The following MDM2 variants were observed in gnomAD, a reference collection of about 807,000 sequenced individuals.
The protein encoded by MDM2 is MDM2 proto-oncogene.
MDM2 carries 11 observed loss-of-function variants against 64.3 expected under a neutral mutation model. The ratio of observed to expected loss-of-function variants is 0.17; its 90% CI spans 0.11 to 0.28. The LOEUF (loss-of-function observed/expected upper bound fraction) is 0.28. Ranked by LOEUF, MDM2 falls within the 10% of genes least tolerant of loss-of-function variation. MDM2 has a pLI of 1.00. For synonymous variants in MDM2, 194 were observed against 192.9 expected, an observed-to-expected ratio of 1.01 and a Z score of -0.05; for missense variants, 388 against 577.1, an observed-to-expected ratio of 0.67 and a Z score of 3.36.
At chr12:68,838,326 T>A (rs1386937736) in intron 10 of MDM2, among the ~76,000 whole-genome samples, 1 of 152,096 alleles carries the variant, frequency 6.6e-6, no homozygotes, top group Non-Finnish European at 1.5e-5. Flanking sequence ...AGGCTGGGGA[T>A]GTGGGAGAGT....
chr12:68,828,792 C>G lies in MDM2; in HGVS notation c.545C>G (p.Ser182Cys). The G allele has an allele frequency of 1.2e-6, 2 of 1,613,880 alleles. No homozygotes were observed. The highest frequency in any genetic ancestry group is 1.7e-6 in the Non-Finnish European group (2 of 1,179,944). The stretch of plus-strand genomic sequence containing the variant: ...CCAGAAGAAAATTCAGATGAATTAT[C>G]TGGTGAACGACAAAGAAAACGCCAC... ...SETEENSDEL[S>C]GERQRKRHKS... is the part of the protein sequence containing the mutation. The change falls in exon 8 of 11, where the codon TCT (serine) becomes TGT (cysteine). Residue 182 changes from serine (S) to cysteine (C), a missense_variant. By Grantham distance (112) the Ser-to-Cys change is moderately radical. Transcript: ENST00000258149.
rs79248428 is a variant in MDM2, at chr12:68,815,792, A to G, written c.175-1020A>G. Reference sequence around the variant, plus strand: ...GATAATAATCTTATGAAATATCAGAATGAGATAATACTTATAAAAGTACAT... The same window carrying G: ...GATAATAATCTTATGAAATATCAGAGTGAGATAATACTTATAAAAGTACAT... On this transcript the variant is annotated intron_variant, in intron 3 of 10. Transcript: ENST00000258149. The G allele has an allele frequency of 6.0e-3, 1,246 of 207,286 alleles. 25 individuals are homozygous for G. The highest frequency in any genetic ancestry group is 0.028 in the African/African-American group (1,188 of 42,148). 12.8% of individuals were successfully genotyped at this position (207,286 alleles called of 1,614,324 possible). A position where few individuals can be genotyped will look rare whatever the true frequency, so the allele number is the denominator to read the frequency against.
Position 68,843,543 on chromosome 12 carries a change from CAG to C in MDM2, c.*3695_*3696del, listed in dbSNP as rs1252985076. ...ATTTAAATATGAATCTTAAGCAAAACAGTGAAAATAACCATCTTGATTTAGTG... is the reference window on the plus strand; with the variant it reads ...ATTTAAATATGAATCTTAAGCAAAACTGAAAATAACCATCTTGATTTAGTG... On this transcript the variant is annotated 3_prime_UTR_variant, in exon 11 of 11. Transcript: ENST00000258149. 8.8e-6 allele frequency: 2 copies of C among 226,480 alleles called. No individual in the cohort carries two copies. The highest frequency in any genetic ancestry group is 1.8e-5 in the Non-Finnish European group (2 of 114,186). The allele number at this position is 226,480 out of a possible 1,614,324, so 14.0% of individuals were successfully genotyped here.
intron 2 of MDM2, among the ~76,000 whole-genome samples, chr12:68,811,704 A>G (rs1272747489): frequency 6.7e-6 from 1 of 149,042 alleles, no homozygotes; most frequent in Admixed American, 6.8e-5. Context: ...TCCTGGGTTC[A>G]AGCAATTCTG....
chr12:68,813,478 A>C (rs541647114), intron 2 of MDM2, 76 bp from the exon 3 acceptor site: 2 of 947,412 alleles, frequency 2.1e-6, no homozygotes. Context: ...ATTGAACTTG[A>C]TGGATATGTT....
intron 7 of MDM2, 84 bp from the exon 8 acceptor site, chr12:68,828,687 A>G (rs1882542378): frequency 1.7e-6 from 2 of 1,208,350 alleles, no homozygotes; most frequent in South Asian, 2.9e-5. Context: ...ATTGAAACTA[A>G]GTTTCTGTAC....
intron 3 of MDM2, chr12:68,815,616 A>AT (rs1228320900): frequency 4.9e-6 from 2 of 410,162 alleles, no homozygotes; most frequent in Non-Finnish European, 9.7e-6. Flanking sequence ...TAATTTTTGT[A>AT]TTTTTTTGTA....
At position 68,841,985 on chromosome 12, in the gene MDM2, A is replaced by C. The variant is rs1883806053; in HGVS notation, c.*2136A>C. 1.0e-5 allele frequency: 4 copies of C among 389,334 alleles called. No homozygotes were observed. The highest frequency in any genetic ancestry group is 2.0e-5 in the Non-Finnish European group (4 of 202,652). 24.1% of individuals were successfully genotyped at this position (389,334 alleles called of 1,614,324 possible). A position where few individuals can be genotyped will look rare whatever the true frequency, so the allele number is the denominator to read the frequency against. Reference sequence around the variant, plus strand: ...TGACCACATCATGATGTTCATCTGCAGCTGTTGCAAGGTGTTCAGATTGTA... The same window carrying C: ...TGACCACATCATGATGTTCATCTGCCGCTGTTGCAAGGTGTTCAGATTGTA... On this transcript the variant is annotated 3_prime_UTR_variant, in exon 11 of 11. Coordinates refer to ENST00000258149, the MANE Select transcript of MDM2 (RefSeq NM_002392.6).
intron 10 of MDM2, 59 bp from the exon 11 acceptor site, chr12:68,839,215 C>T: frequency 6.6e-7 from 1 of 1,506,500 alleles, no homozygotes; most frequent in Non-Finnish European, 9.0e-7. Context: ...TGCTAGCATT[C>T]CTGTGACTGA....
At chr12:68,813,906 T>A (rs1486780668) in intron 3 of MDM2, among the ~76,000 whole-genome samples, 1 of 152,212 alleles carries the variant, frequency 6.6e-6, no homozygotes, top group East Asian at 1.9e-4. Flanking sequence ...CAGAATCATG[T>A]TTTTAAATGT....
chr12:68,809,222 C>A lies in MDM2; in HGVS notation c.29C>A (p.Thr10Asn). ...TTTCCTTGTAGGCAAATGTGCAATA[C>A]CAACATGTCTGTACCTACTGATGGT... MVRSRQMCN[T>N]NMSVPTDGAV... The change falls in exon 2 of 11, where the codon ACC (threonine) becomes AAC (asparagine). Residue 10 changes from threonine (T) to asparagine (N), a missense_variant. By Grantham distance (65) the Thr-to-Asn change is moderately conservative. Around this residue, in one of 5 missense-constraint regions of MDM2, gnomAD observed 46 missense variants for 45.2 expected, o/e 1.02. Transcript: ENST00000258149. 1 of 1,613,602 alleles carries A rather than the reference C, an allele frequency of 6.2e-7. No homozygotes were observed. Among genetic ancestry groups the A allele is most frequent in the Non-Finnish European group, 8.5e-7 (1 of 1,179,766 alleles).
intron 5 of MDM2, among the ~76,000 whole-genome samples, chr12:68,823,130 A>G (rs565746946): frequency 6.6e-6 from 1 of 152,226 alleles, no homozygotes; most frequent in Admixed American, 6.5e-5. Flanking sequence ...ATTATGTACA[A>G]CTTAAGAAAA....
At chr12:68,834,062 T>G (rs868577610) in intron 8 of MDM2, among the ~76,000 whole-genome samples, 1 of 152,324 alleles carries the variant, frequency 6.6e-6, no homozygotes, top group Middle Eastern at 3.4e-3. Context: ...ATAATATACT[T>G]TGTTTCTGTT....
At position 68,840,287 on chromosome 12, in the gene MDM2, G is replaced by A; in HGVS notation, c.*438G>A. 1 of 178,120 alleles carries A rather than the reference G, an allele frequency of 5.6e-6. No individual in the cohort carries two copies. Among genetic ancestry groups the A allele is most frequent in the Non-Finnish European group, 1.2e-5 (1 of 83,996 alleles). The allele number at this position is 178,120 out of a possible 1,614,324, so 11.0% of individuals were successfully genotyped here. On this transcript the variant is annotated 3_prime_UTR_variant, in exon 11 of 11. Transcript: ENST00000258149. ...AGCCTCCCAATTAGCTTGGCCTACA[G>A]TCATCTGCCACCACACCTGGCTAAT... is the stretch of plus-strand genomic sequence containing the variant.
intron 4 of MDM2, among the ~76,000 whole-genome samples, 173 bp from the exon 5 acceptor site, chr12:68,820,152 C>A (rs1483345310): frequency 6.6e-6 from 1 of 152,166 alleles, no homozygotes; most frequent in Non-Finnish European, 1.5e-5. Context: ...CATTGTGCTA[C>A]TAATTATTGT....
At chr12:68,816,757 T>G in intron 3 of MDM2, 55 bp from the exon 4 acceptor site, 1 of 1,417,668 alleles carries the variant, frequency 7.1e-7, no homozygotes, top group Admixed American at 2.2e-5. Flanking sequence ...ATTAAATGTA[T>G]TTACAACTAA....
chr12:68,813,306 T>C (rs1330415463), intron 2 of MDM2, among the ~76,000 whole-genome samples: 1 of 152,184 alleles, frequency 6.6e-6, no homozygotes, highest in Non-Finnish European at 1.5e-5. Flanking sequence ...TAATTTATGG[T>C]TGTTTGTAAG....
At chr12:68,830,315 C>CT (rs755581488) in intron 8 of MDM2, among the ~76,000 whole-genome samples, 15 of 152,134 alleles carry the variant, frequency 9.9e-5, no homozygotes, top group Non-Finnish European at 1.8e-4. Context: ...CCTGTATTAT[C>CT]TTTTTTTCTC....
rs1448572608 is a variant in MDM2 at position 68,843,118 on chromosome 12, A to G, written c.*3269A>G. 1.8e-5 allele frequency: 4 copies of G among 223,116 alleles called. No homozygotes were observed. Among genetic ancestry groups the G allele is most frequent in the Admixed American group, 1.1e-4 (2 of 17,394 alleles). The allele number at this position is 223,116 out of a possible 1,614,324, so 13.8% of individuals were successfully genotyped here. A position where few individuals can be genotyped will look rare whatever the true frequency, so the allele number is the denominator to read the frequency against. On this transcript the variant is annotated 3_prime_UTR_variant, in exon 11 of 11. Transcript: ENST00000258149. ...GTTTTTTTTTTTTTAAAGCCACACAATAATTTTGGAAAACAATGTATGGGT... is the reference window on the plus strand; with the variant it reads ...GTTTTTTTTTTTTTAAAGCCACACAGTAATTTTGGAAAACAATGTATGGGT...
Sources: allele counts gnomAD v4.1 joint callset (sites outside exome capture counted in the v4.1 genomes callset), GRCh38; gene constraint gnomAD v4.1.1; regional missense constraint gnomAD v4.1.1; transcripts MANE v1.5; gene names NCBI Gene and HGNC (gene_info 2026-07-23, HGNC 2026-07-21).